The following IQGAP1 variants were observed in gnomAD, a reference collection of about 807,000 sequenced individuals.
The protein encoded by IQGAP1 is IQ motif containing GTPase activating protein 1.
Under a neutral mutation model 215.6 loss-of-function variants are expected in IQGAP1, and 66 were observed. That is an observed-to-expected ratio of 0.31 (90% CI 0.25 to 0.38). The LOEUF (loss-of-function observed/expected upper bound fraction) is 0.38, where lower values mean the gene tolerates loss of function less well. Ranked by LOEUF, IQGAP1 falls within the 10% of genes least tolerant of loss-of-function variation. The probability of loss-of-function intolerance (pLI) is 1.00; values close to 1 mark genes in which losing one functional copy is unlikely to be tolerated. For missense variants in IQGAP1, 1,712 were observed against 1,997.1 expected, an observed-to-expected ratio of 0.86 and a Z score of 2.72; for synonymous variants, 772 against 728.7, an observed-to-expected ratio of 1.06 and a Z score of -0.96.
At chr15:90,455,354 G>A (rs1389577200) in intron 14 of IQGAP1, among the ~76,000 whole-genome samples, 1 of 152,182 alleles carries the variant, frequency 6.6e-6, no homozygotes, top group Non-Finnish European at 1.5e-5. Context: ...GATCTTTCCA[G>A]CATGGCCAGC....
chr15:90,424,579 G>A (rs1290995078), intron 2 of IQGAP1, among the ~76,000 whole-genome samples: 1 of 152,236 alleles, frequency 6.6e-6, no homozygotes, highest in African/African-American at 2.4e-5. Context: ...GCTTACGCCT[G>A]TAATCCCAGC....
At chr15:90,496,365 G>A (rs2151041260) in intron 36 of IQGAP1, among the ~76,000 whole-genome samples, 1 of 131,548 alleles carries the variant, frequency 7.6e-6, no homozygotes, top group Non-Finnish European at 1.5e-5. Context: ...TCACCAGACT[G>A]GACTGCAGTG....
intron 34 of IQGAP1, 29 bp downstream of exon 34, chr15:90,491,574 C>G: frequency 6.3e-7 from 1 of 1,584,826 alleles, no homozygotes; most frequent in Non-Finnish European, 8.7e-7. Context: ...AGAGGGGACC[C>G]GGCCTTGTTC....
At chr15:90,461,528 A>AT (rs1365044579) in intron 15 of IQGAP1, among the ~76,000 whole-genome samples, 2 of 152,208 alleles carry the variant, frequency 1.3e-5, no homozygotes, top group African/African-American at 2.4e-5. Context: ...TCAAGAACTC[A>AT]TTTTATAATT....
At chr15:90,487,388 A>T (rs1596292085) in intron 32 of IQGAP1, 107 bp from the exon 33 acceptor site, 4 of 797,282 alleles carry the variant, frequency 5.0e-6, no homozygotes, top group South Asian at 4.8e-5. Context: ...GCCGCTTGGG[A>T]CTTCTGTGAG....
At chr15:90,431,479 T>A (rs1965302727) in intron 4 of IQGAP1, among the ~76,000 whole-genome samples, 2 of 152,262 alleles carry the variant, frequency 1.3e-5, no homozygotes, top group Admixed American at 6.5e-5. Flanking sequence ...CTCATTTGAA[T>A]GTTACTAAGA....
At chr15:90,452,182 C>T (rs995640882) in intron 11 of IQGAP1, among the ~76,000 whole-genome samples, 3 of 152,094 alleles carry the variant, frequency 2.0e-5, no homozygotes, top group South Asian at 2.1e-4. Flanking sequence ...CACTTTGGCT[C>T]GCACACACTT....
At chr15:90,456,106 A>T in intron 14 of IQGAP1, 46 bp from the exon 15 acceptor site, 1 of 1,521,960 alleles carries the variant, frequency 6.6e-7, no homozygotes, top group Non-Finnish European at 9.0e-7. Context: ...TTGTTTATGT[A>T]CTTCCTTAAT....
chr15:90,414,815 C>T (rs1965021152), intron 2 of IQGAP1, among the ~76,000 whole-genome samples: 1 of 152,170 alleles, frequency 6.6e-6, no homozygotes, highest in South Asian at 2.1e-4. Context: ...ATGCCACTGT[C>T]TGGACGTCCC....
At position 90,473,954 on chromosome 15, in the gene IQGAP1, A is replaced by G. The variant is rs1965941752; in HGVS notation, c.2492A>G (p.Tyr831Cys). Reference protein sequence around the residue: ...ARKRYRDRLQYFRDHINDIIK... With the variant: ...ARKRYRDRLQCFRDHINDIIK... The stretch of plus-strand genomic sequence containing the variant: ...AAGCGCTATCGAGATCGCCTGCAGT[A>G]CTTCCGGGACCATGTAAGCACCCTT... Residue 831 changes from tyrosine to cysteine, a missense_variant, in exon 21 of 38, where the codon TAC becomes TGC. Around this residue, in one of 2 missense-constraint regions of IQGAP1, gnomAD observed 1,021 missense variants for 1,074.2 expected, o/e 0.95. Transcript: ENST00000268182. The G allele has an allele frequency of 6.2e-7, 1 of 1,613,928 alleles. No homozygotes were observed. The highest frequency in any genetic ancestry group is 8.5e-7 in the Non-Finnish European group (1 of 1,179,984).
At chr15:90,399,351 T>G (rs1567113376) in intron 2 of IQGAP1, among the ~76,000 whole-genome samples, 1 of 152,198 alleles carries the variant, frequency 6.6e-6, no homozygotes, top group Non-Finnish European at 1.5e-5. Flanking sequence ...GCTGGAGAGT[T>G]TAAACATTTT....
At chr15:90,440,448 T>G in intron 6 of IQGAP1, 54 bp from the exon 7 acceptor site, 2 of 1,215,208 alleles carry the variant, frequency 1.6e-6, no homozygotes, top group Non-Finnish European at 2.4e-6. Context: ...TTCCTTCTCT[T>G]GGTTATGGAA....
intron 30 of IQGAP1, among the ~76,000 whole-genome samples, chr15:90,484,625 C>T (rs1966101454): frequency 1.3e-5 from 2 of 152,178 alleles, no homozygotes; most frequent in South Asian, 4.2e-4. Flanking sequence ...TCTCCTGCCT[C>T]AGCCTCCCGA....
At chr15:90,453,364 C>A in intron 13 of IQGAP1, 72 bp downstream of exon 13, 1 of 1,184,744 alleles carries the variant, frequency 8.4e-7, no homozygotes, top group Non-Finnish European at 1.2e-6. Context: ...GTCAGTGCTC[C>A]GATTTTCTTT....
intron 33 of IQGAP1, among the ~76,000 whole-genome samples, chr15:90,490,257 C>G (rs1324368546): frequency 6.6e-6 from 1 of 152,166 alleles, no homozygotes; most frequent in Non-Finnish European, 1.5e-5. Context: ...GAGAAATGGT[C>G]ACAGATCACA....
chr15:90,390,046 A>T (rs1964613426), intron 1 of IQGAP1, among the ~76,000 whole-genome samples: 1 of 151,970 alleles, frequency 6.6e-6, no homozygotes, highest in Admixed American at 6.6e-5. Flanking sequence ...AAGTAGAGGG[A>T]TACTGTGTTG....
At chr15:90,456,835 C>G (rs1965687709) in intron 15 of IQGAP1, among the ~76,000 whole-genome samples, 1 of 150,224 alleles carries the variant, frequency 6.7e-6, no homozygotes, top group Non-Finnish European at 1.5e-5. Flanking sequence ...TTGCAGTGAG[C>G]CGAGATTGCG....
At chr15:90,401,317 TG>T (rs1399526562) in intron 2 of IQGAP1, among the ~76,000 whole-genome samples, 1 of 152,228 alleles carries the variant, frequency 6.6e-6, no homozygotes, top group Non-Finnish European at 1.5e-5. Flanking sequence ...TGCTGAAGTT[TG>T]AATGTTGGGT....
intron 34 of IQGAP1, chr15:90,491,765 C>A (rs769117512): frequency 2.0e-6 from 1 of 499,846 alleles, no homozygotes; most frequent in Non-Finnish European, 3.6e-6. Flanking sequence ...TAACTGGAGC[C>A]TCCTATGACC....
Sources: allele counts gnomAD v4.1 joint callset (sites outside exome capture counted in the v4.1 genomes callset), GRCh38; gene constraint gnomAD v4.1.1; regional missense constraint gnomAD v4.1.1; transcripts MANE v1.5; gene names NCBI Gene and HGNC (gene_info 2026-07-23, HGNC 2026-07-21).